Variants in OR2T33 observed in about 807,000 individuals in gnomAD.
OR2T33 encodes the protein olfactory receptor 2T33.
OR2T33 carries 10 observed loss-of-function variants against 14.0 expected under a neutral mutation model. The observed-to-expected ratio is 0.72, with a 90% CI of 0.44 to 1.22. The LOEUF (loss-of-function observed/expected upper bound fraction) is 1.22. Ranked by LOEUF, OR2T33 falls within the 50% of genes most tolerant of loss-of-function variation. The pLI, the probability that OR2T33 is intolerant of heterozygous loss-of-function variation, is 0.00. For missense variants in OR2T33, 276 were observed against 405.9 expected, an observed-to-expected ratio of 0.68 and a Z score of 2.75; for synonymous variants, 103 against 159.4, an observed-to-expected ratio of 0.65 and a Z score of 2.66.
rs1477751545 is a variant in OR2T33 at position 248,272,242 on chromosome 1, A to G, written c.*610T>C. 6.6e-6 allele frequency: 1 copy of G among 152,246 alleles called. No individual in the cohort carries two copies. Among genetic ancestry groups the G allele is most frequent in the Non-Finnish European group, 1.5e-5 (1 of 68,038 alleles). The allele number at this position is 152,246 out of a possible 1,614,324, so 9.4% of individuals were successfully genotyped here. A position where few individuals can be genotyped will look rare whatever the true frequency, so the allele number is the denominator to read the frequency against. ...AAAAAATACTTAAATGAAAGGTTAC[A>G]TAAATTAAAAAAGGCTTACGTTTAA... is the stretch of plus-strand genomic sequence containing the variant. On this transcript the variant is annotated 3_prime_UTR_variant, in exon 2 of 2. Transcript: ENST00000641220.
In OR2T33 at chr1:248,273,762, TG is replaced by T. The variant is rs1233932182; in HGVS notation, c.52del (p.His18ThrfsTer10). 6.2e-7 allele frequency: 1 copy of T among 1,613,596 alleles called. No homozygotes were observed. The highest frequency in any genetic ancestry group is 1.3e-5 in the African/African-American group (1 of 74,898). On this transcript the variant is annotated frameshift_variant, in exon 2 of 2. Coordinates refer to ENST00000641220, the MANE Select transcript of OR2T33 (RefSeq NM_001004695.2). LOFTEE classifies it high-confidence loss of function. ...GAAGAGGACTTGGTGGGCTCTGGTG[TG>T]GTTAAAGAGTCCTAGGAGAATAAAA... ...PDFILLGLFN[H>X]TRAHQVLFMM...
At position 248,273,176 on chromosome 1, in the gene OR2T33, CAGGATGAGGGA is replaced by C; in HGVS notation, c.628_638del (p.Ser210ValfsTer51). Reference sequence around the variant, plus strand: ...CAGCGAGGATGAGACCATAGGAGGACAGGATGAGGGAAAAGGGGACCAGGAGCATTAACACA... The same window carrying C: ...CAGCGAGGATGAGACCATAGGAGGACAAAGGGGACCAGGAGCATTAACACA... On this transcript the variant is annotated frameshift_variant, in exon 2 of 2. Transcript: ENST00000641220. LOFTEE classifies it high-confidence loss of function. 1 of 1,609,526 alleles carries C rather than the reference CAGGATGAGGGA, an allele frequency of 6.2e-7. No individual in the cohort carries two copies.
At chr1:248,273,960 G>A in intron 1 of OR2T33, 138 bp from the exon 2 acceptor site, 1 of 1,228,448 alleles carries the variant, frequency 8.1e-7, no homozygotes, top group Non-Finnish European at 1.1e-6. Context: ...AACTCCCAGT[G>A]AGCATGGCTT....
Position 248,275,265 on chromosome 1 carries a change from A to G in OR2T33, c.-8-1443T>C, listed in dbSNP as rs976259827. On this transcript the variant is annotated intron_variant, in intron 1 of 1. Coordinates refer to ENST00000641220, the MANE Select transcript of OR2T33 (RefSeq NM_001004695.2). Reference sequence around the variant, plus strand: ...GCAGACACAAACACACAGTAACACCAGCGTCTTTGAGATGGCTTATTTAAG... The same window carrying G: ...GCAGACACAAACACACAGTAACACCGGCGTCTTTGAGATGGCTTATTTAAG... Among the ~76,000 whole-genome samples the G allele has an allele frequency of 2.6e-5, 4 of 152,228 alleles. 1 individual carries two copies. The highest frequency in any genetic ancestry group is 9.6e-5 in the African/African-American group (4 of 41,452).
intron 1 of OR2T33, among the ~76,000 whole-genome samples, chr1:248,274,780 G>T (rs900571194): frequency 6.6e-6 from 1 of 152,122 alleles, no homozygotes. Flanking sequence ...TTATCGAAAA[G>T]ATTTGCAAAT....
chr1:248,272,602 G>T lies in OR2T33; in HGVS notation c.*250C>A. Reference sequence around the variant, plus strand: ...CTTTTTTTAGAAAGTAGGAGATATTGTCAACAGTACTTATATCATGGGGTT... The same window carrying T: ...CTTTTTTTAGAAAGTAGGAGATATTTTCAACAGTACTTATATCATGGGGTT... On this transcript the variant is annotated 3_prime_UTR_variant, in exon 2 of 2. Transcript: ENST00000641220. 1 of 430,322 alleles carries T rather than the reference G, an allele frequency of 2.3e-6. No homozygotes were observed. The allele number at this position is 430,322 out of a possible 1,614,324, so 26.7% of individuals were successfully genotyped here.
chr1:248,277,437 T>C (rs188240654), intron 1 of OR2T33, among the ~76,000 whole-genome samples: 27 of 152,256 alleles, frequency 1.8e-4, no homozygotes, highest in Admixed American at 8.5e-4. Context: ...GCTATTGATA[T>C]AACATGGGGA....
rs1052487592 is a variant in OR2T33 at position 248,271,961 on chromosome 1, C to T, written c.*891G>A. The T allele has an allele frequency of 6.6e-6, 1 of 152,152 alleles. No homozygotes were observed. The allele number at this position is 152,152 out of a possible 1,614,324, so 9.4% of individuals were successfully genotyped here. A position where few individuals can be genotyped will look rare whatever the true frequency, so the allele number is the denominator to read the frequency against. On this transcript the variant is annotated 3_prime_UTR_variant, in exon 2 of 2. Transcript: ENST00000641220. ...TTAGAAGGTGTCCCAAATTTTTCAA[C>T]AGAAATACCTCTAATTACCTATGTC...
chr1:248,273,068 A>T lies in OR2T33; in HGVS notation c.747T>A (p.Phe249Leu). Residue 249 changes from phenylalanine to leucine, a missense_variant, in exon 2 of 2, where the codon TTT (phenylalanine) becomes TTA (leucine). By Grantham distance (22) the Phe-to-Leu change is conservative (BLOSUM62 0). Coordinates refer to ENST00000641220, the MANE Select transcript of OR2T33 (RefSeq NM_001004695.2). ...CSSHVAVVGL[F>L]YGAAIFTYMR... Reference sequence around the variant, plus strand: ...TATAGGTAAAAATGGCAGCTCCATAAAAGAGTCCCACCACAGCCACATGTG... The same window carrying T: ...TATAGGTAAAAATGGCAGCTCCATATAAGAGTCCCACCACAGCCACATGTG... The T allele has an allele frequency of 6.2e-7, 1 of 1,613,246 alleles. No homozygotes were observed. The highest frequency in any genetic ancestry group is 8.5e-7 in the Non-Finnish European group (1 of 1,179,868).
At chr1:248,275,597 C>T (rs1019274222) in intron 1 of OR2T33, among the ~76,000 whole-genome samples, 6 of 152,102 alleles carry the variant, frequency 3.9e-5, no homozygotes, top group Middle Eastern at 3.2e-3. Context: ...TTAAAAAGTC[C>T]TTGTTTAAAA....
In OR2T33 at chr1:248,273,645, A is replaced by G. The variant is rs149909318; in HGVS notation, c.170T>C (p.Met57Thr). Residue 57 changes from methionine to threonine, a missense_variant, in exon 2 of 2, where the codon ATG becomes ACG. Coordinates refer to ENST00000641220, the MANE Select transcript of OR2T33 (RefSeq NM_001004695.2). ...GGAAAGTTGGCTCAGGAGGAAGTACATGGGCGTGTGGAGCCGGTGGTCCCA... is the reference window on the plus strand; with the variant it reads ...GGAAAGTTGGCTCAGGAGGAAGTACGTGGGCGTGTGGAGCCGGTGGTCCCA... ...IHWDHRLHTP[M>T]YFLLSQLSLM... 408 of 1,613,832 alleles carry G rather than the reference A, an allele frequency of 2.5e-4. No homozygotes were observed. Among genetic ancestry groups the G allele is most frequent in the African/African-American group, 2.4e-3 (182 of 74,980 alleles).
At chr1:248,274,005 C>T (rs188627212) in intron 1 of OR2T33, among the ~76,000 whole-genome samples, 183 bp from the exon 2 acceptor site, 128 of 152,196 alleles carry the variant, frequency 8.4e-4, no homozygotes, top group Non-Finnish European at 1.7e-3. Flanking sequence ...TGTAGCTCAA[C>T]TTTTTAATGT....
At chr1:248,276,615 G>T (rs1257291151) in intron 1 of OR2T33, among the ~76,000 whole-genome samples, 2 of 152,032 alleles carry the variant, frequency 1.3e-5, no homozygotes, top group East Asian at 3.9e-4. Context: ...TACAGACAGA[G>T]GTAAAGAGTA....
chr1:248,273,457 G>C lies in OR2T33; in HGVS notation c.358C>G (p.Arg120Gly). 1.9e-6 allele frequency: 3 copies of C among 1,612,654 alleles called. No individual in the cohort carries two copies. Among genetic ancestry groups the C allele is most frequent in the Non-Finnish European group, 2.5e-6 (3 of 1,179,912 alleles). ...AGTGGGTGGCAGACAGCCGCATAGC[G>C]GTCATAGGCCATGGCTGCTAAGAGG... ...CFLLAAMAYDRYAAVCHPLRY... is the reference protein window; with the variant it reads ...CFLLAAMAYDGYAAVCHPLRY... The change falls in exon 2 of 2, where the codon CGC (arginine) becomes GGC (glycine). Residue 120 changes from arginine (R) to glycine (G), a missense_variant. Transcript: ENST00000641220.
Position 248,272,513 on chromosome 1 carries a change from ACTT to A in OR2T33, c.*336_*338del, listed in dbSNP as rs1659384707. ...AGGTTAAGGAACAAGCTCTGGAGTC[ACTT>A]CTTATTATTTCCGTGCTGTGTGAAA... On this transcript the variant is annotated 3_prime_UTR_variant, in exon 2 of 2. Coordinates refer to ENST00000641220, the MANE Select transcript of OR2T33 (RefSeq NM_001004695.2). 2 of 234,998 alleles carry A rather than the reference ACTT, an allele frequency of 8.5e-6. No individual in the cohort carries two copies. Among genetic ancestry groups the A allele is most frequent in the Non-Finnish European group, 1.6e-5 (2 of 121,314 alleles). The allele number at this position is 234,998 out of a possible 1,614,324, so 14.6% of individuals were successfully genotyped here. A position where few individuals can be genotyped will look rare whatever the true frequency, so the allele number is the denominator to read the frequency against.
chr1:248,274,900 G>A (rs768932695), intron 1 of OR2T33, among the ~76,000 whole-genome samples: 4 of 152,136 alleles, frequency 2.6e-5, no homozygotes, highest in Non-Finnish European at 5.9e-5. Context: ...CACAATCAAA[G>A]TAACTGAGCT....
In OR2T33 at chr1:248,272,798, A is replaced by G; in HGVS notation, c.*54T>C. ...CATGAATTGCTAAAGGGAGAGAATA[A>G]CAATGTGTTAAAATATTAATAAATT... On this transcript the variant is annotated 3_prime_UTR_variant, in exon 2 of 2. Coordinates refer to ENST00000641220, the MANE Select transcript of OR2T33 (RefSeq NM_001004695.2). 6.5e-7 allele frequency: 1 copy of G among 1,541,574 alleles called. No homozygotes were observed. The highest frequency in any genetic ancestry group is 8.7e-7 in the Non-Finnish European group (1 of 1,148,684).
chr1:248,275,663 G>A (rs1278764734), intron 1 of OR2T33, among the ~76,000 whole-genome samples: 2 of 151,646 alleles, frequency 1.3e-5, no homozygotes, highest in Non-Finnish European at 2.9e-5. Context: ...GAACCTGCAT[G>A]TTTGGCACAT....
chr1:248,273,604 G>T lies in OR2T33; in HGVS notation c.211C>A (p.Leu71Met), dbSNP rs1462270189. ...ATTTTGGGCACAGTGGTGGAAACCA[G>T]CATCATGTCCATGAGGGAAAGTTGG... is the stretch of plus-strand genomic sequence containing the variant. ...LSQLSLMDMMLVSTTVPKMAA... is the reference protein window; with the variant it reads ...LSQLSLMDMMMVSTTVPKMAA... The change falls in exon 2 of 2, where the codon CTG (leucine) becomes ATG (methionine). Residue 71 changes from leucine (L) to methionine (M), a missense_variant. Coordinates refer to ENST00000641220, the MANE Select transcript of OR2T33 (RefSeq NM_001004695.2). 6.2e-7 allele frequency: 1 copy of T among 1,613,612 alleles called. No individual in the cohort carries two copies. Among genetic ancestry groups the T allele is most frequent in the African/African-American group, 1.3e-5 (1 of 74,980 alleles).
Sources: gnomAD v4.1 joint callset for allele counts (sites outside exome capture counted in the v4.1 genomes callset) on GRCh38, gnomAD v4.1.1 for gene constraint, MANE v1.5 for transcripts, NCBI Gene and HGNC (gene_info 2026-07-23, HGNC 2026-07-21) for gene names.